Variants in DLG2 observed in about 807,000 individuals in gnomAD.
The protein encoded by DLG2 is discs large MAGUK scaffold protein 2.
A neutral mutation model predicts 132.5 loss-of-function variants in DLG2; 45 were observed. The observed-to-expected ratio is 0.34, with a 90% CI of 0.27 to 0.44. The LOEUF is 0.44. Ranked by LOEUF, DLG2 falls within the 20% of genes least tolerant of loss-of-function variation. DLG2 has a pLI of 1.00. For missense variants in DLG2, 1,045 were observed against 1,196.9 expected (o/e 0.87, Z 1.87); for synonymous variants, 424 against 419.6 (o/e 1.01, Z -0.13).
intron 7 of DLG2, among the ~76,000 whole-genome samples, chr11:84,477,629 T>A (rs1277697283): frequency 6.6e-6 from 1 of 152,146 alleles, no homozygotes; most frequent in African/African-American, 2.4e-5. Flanking sequence ...AGAGTGCAAA[T>A]GCATACGCCT....
At chr11:84,387,058 G>A (rs1370835233) in intron 7 of DLG2, among the ~76,000 whole-genome samples, 7 of 151,772 alleles carry the variant, frequency 4.6e-5, no homozygotes, top group Admixed American at 1.3e-4. Flanking sequence ...TACTCATGTC[G>A]TTTTGGAACT....
At chr11:84,183,133 G>A (rs2096185610) in intron 8 of DLG2, among the ~76,000 whole-genome samples, 1 of 151,984 alleles carries the variant, frequency 6.6e-6, no homozygotes, top group South Asian at 2.1e-4. Context: ...AGGCCCAGAT[G>A]GGTTCAAAGG....
At chr11:83,552,747 G>A (rs2142131943) in intron 19 of DLG2, among the ~76,000 whole-genome samples, 1 of 152,222 alleles carries the variant, frequency 6.6e-6, no homozygotes, top group South Asian at 2.1e-4. Context: ...TTTTCTTCTT[G>A]TAGACACACA....
intron 8 of DLG2, among the ~76,000 whole-genome samples, chr11:84,165,659 G>C (rs1345959227): frequency 1.3e-5 from 2 of 152,056 alleles, no homozygotes; most frequent in Admixed American, 1.3e-4. Context: ...CAGCACTTTG[G>C]GAGGCTGATG....
intron 9 of DLG2, among the ~76,000 whole-genome samples, chr11:84,109,434 T>C (rs1402686982): frequency 1.3e-5 from 2 of 152,200 alleles, no homozygotes; most frequent in Admixed American, 1.3e-4. Context: ...GTGTTTAGAA[T>C]GCTGAATTTA....
intron 6 of DLG2, among the ~76,000 whole-genome samples, chr11:84,558,561 CT>C (rs1389780794): frequency 6.6e-6 from 1 of 152,164 alleles, no homozygotes; most frequent in Non-Finnish European, 1.5e-5. Flanking sequence ...ACATTCTAGA[CT>C]CCTAATCCTG....
chr11:84,744,626 A>C (rs932342203), intron 6 of DLG2, among the ~76,000 whole-genome samples: 2 of 152,204 alleles, frequency 1.3e-5, no homozygotes, highest in African/African-American at 2.4e-5. Flanking sequence ...AAAATGAAAA[A>C]TGCAGAAGCA....
At chr11:84,286,443 A>G (rs1006750773) in intron 7 of DLG2, among the ~76,000 whole-genome samples, 7 of 152,176 alleles carry the variant, frequency 4.6e-5, no homozygotes, top group South Asian at 2.1e-4. Flanking sequence ...AACAGTTAAG[A>G]TACTCTAATC....
chr11:83,984,179 GTAGA>G (rs1189212996), intron 11 of DLG2, among the ~76,000 whole-genome samples: 1 of 141,356 alleles, frequency 7.1e-6, no homozygotes. Context: ...TATGGATACT[GTAGA>G]TAGATAGATG....
intron 6 of DLG2, among the ~76,000 whole-genome samples, chr11:84,622,049 C>T (rs1412137882): frequency 6.6e-6 from 1 of 152,104 alleles, no homozygotes; most frequent in Non-Finnish European, 1.5e-5. Flanking sequence ...ACCGCACTTT[C>T]CCACTTTACA....
intron 11 of DLG2, among the ~76,000 whole-genome samples, chr11:84,024,221 T>TA (rs1461563401): frequency 1.3e-5 from 2 of 152,042 alleles, no homozygotes; most frequent in Non-Finnish European, 2.9e-5. Context: ...TCTCATATGG[T>TA]AAAAAATGCA....
intron 6 of DLG2, chr11:84,546,733 C>T (rs1365859574): frequency 1.6e-5 from 7 of 436,664 alleles, no homozygotes; most frequent in Non-Finnish European, 3.1e-5. Flanking sequence ...ATGAGTGCTC[C>T]CAATTGCTCA....
At chr11:84,003,630 C>G (rs1264121372) in intron 11 of DLG2, among the ~76,000 whole-genome samples, 1 of 152,124 alleles carries the variant, frequency 6.6e-6, no homozygotes, top group African/African-American at 2.4e-5. Context: ...GACTTACTAT[C>G]ACAAGAATAG....
chr11:84,902,518 T>C (rs935869601), intron 6 of DLG2, among the ~76,000 whole-genome samples: 1 of 152,186 alleles, frequency 6.6e-6, no homozygotes, highest in African/African-American at 2.4e-5. Context: ...AGATCTGATC[T>C]TCACAACATC....
chr11:84,958,912 C>T (rs1471589331), intron 6 of DLG2, among the ~76,000 whole-genome samples: 1 of 152,174 alleles, frequency 6.6e-6, no homozygotes, highest in African/African-American at 2.4e-5. Flanking sequence ...TCCAAAAGAA[C>T]TTTGCCTGAC....
At chr11:83,638,379 T>C (rs1218583761) in intron 18 of DLG2, among the ~76,000 whole-genome samples, 1 of 152,172 alleles carries the variant, frequency 6.6e-6, no homozygotes, top group Non-Finnish European at 1.5e-5. Context: ...GTTATTAACC[T>C]TTCTGTGCTT....
At chr11:84,017,414 A>C (rs1253500347) in intron 11 of DLG2, among the ~76,000 whole-genome samples, 2 of 152,076 alleles carry the variant, frequency 1.3e-5, no homozygotes, top group African/African-American at 4.8e-5. Context: ...TTAAGCTTTT[A>C]AATGAAAATG....
Position 84,063,538 on chromosome 11 carries a change from T to A in DLG2, c.750-4054A>T, listed in dbSNP as rs1242704351. Among the ~76,000 whole-genome samples, 3 of 145,370 alleles carry A rather than the reference T, an allele frequency of 2.1e-5. No individual in the cohort carries two copies. In the Admixed American group the frequency reaches 2.1e-4, roughly 10 times the overall value. On this transcript the variant is annotated intron_variant, in intron 10 of 27. Transcript: ENST00000376104. ...ATATCTACTCTCTCAAGGTACTAAA[T>A]ATTTTCTGCAGTGTGGCTATTCCTC...
At chr11:84,245,418 G>A (rs1274354360) in intron 8 of DLG2, among the ~76,000 whole-genome samples, 1 of 152,062 alleles carries the variant, frequency 6.6e-6, no homozygotes, top group Non-Finnish European at 1.5e-5. Context: ...AAATCCAATG[G>A]GGGATATACT....
Sources: gnomAD v4.1 joint callset for allele counts (sites outside exome capture counted in the v4.1 genomes callset) on GRCh38, gnomAD v4.1.1 for gene constraint, MANE v1.5 for transcripts, NCBI Gene and HGNC (gene_info 2026-07-23, HGNC 2026-07-21) for gene names.